CANX: variants seen among roughly 807,000 people sequenced by gnomAD.
CANX encodes calnexin.
Under a neutral mutation model 75.7 loss-of-function variants are expected in CANX, and 14 were observed. The observed-to-expected ratio is 0.19, with a 90% CI of 0.12 to 0.29. CANX has a LOEUF of 0.29. CANX is among the 10% of genes least tolerant of loss of function. The pLI, the probability that CANX is intolerant of heterozygous loss-of-function variation, is 1.00. For missense variants in CANX, 567 were observed against 713.2 expected, an observed-to-expected ratio of 0.79 and a Z score of 2.34; for synonymous variants, 227 against 236.9, an observed-to-expected ratio of 0.96 and a Z score of 0.38.
In CANX at chr5:179,699,089, C is replaced by T. The variant is rs1134924; in HGVS notation, c.-17C>T. On this transcript the variant is annotated 5_prime_UTR_variant, in exon 1 of 15. Coordinates refer to ENST00000247461, the MANE Select transcript of CANX (RefSeq NM_001746.4). The stretch of plus-strand genomic sequence containing the variant: ...AGGGGCACGGGCACCCCCGCGGTCC[C>T]CGGGAGGCTAGAGGTGAGAGGGGAG... The T allele has an allele frequency of 0.5, 535,295 of 1,074,852 alleles. 136,754 individuals carry two copies. Among genetic ancestry groups the T allele is most frequent in the South Asian group, 0.62 (28,145 of 45,140 alleles). The allele number at this position is 1,074,852 out of a possible 1,614,324, so 66.6% of individuals were successfully genotyped here. A position where few individuals can be genotyped will look rare whatever the true frequency, so the allele number is the denominator to read the frequency against.
At chr5:179,686,671 A>G (rs774344368) in intron 1 of CANX, among the ~76,000 whole-genome samples, 59 of 151,032 alleles carry the variant, frequency 3.9e-4, no homozygotes, top group Middle Eastern at 3.5e-3. Flanking sequence ...GCCATGTTGC[A>G]AAACTCCTGG....
chr5:179,683,745 G>T (rs1314600119), intron 1 of CANX, among the ~76,000 whole-genome samples: 1 of 151,496 alleles, frequency 6.6e-6, no homozygotes, highest in Non-Finnish European at 1.5e-5. Context: ...TATTCACCAG[G>T]CTGGTTTCAA....
intron 10 of CANX, among the ~76,000 whole-genome samples, chr5:179,720,924 C>T (rs1778269430): frequency 6.6e-6 from 1 of 152,140 alleles, no homozygotes; most frequent in Non-Finnish European, 1.5e-5. Context: ...GCTGGGATTA[C>T]AGGTGCCTGC....
In CANX at chr5:179,726,685, A is replaced by G. The variant is rs111809764; in HGVS notation, c.1651A>G (p.Lys551Glu). Residue 551 changes from lysine (K) to glutamate (E), a missense_variant, in exon 14 of 15, where the codon AAA becomes GAA. Physicochemically the swap from Lys to Glu is moderately conservative, Grantham distance 56. Around this residue, in one of 3 missense-constraint regions of CANX, gnomAD observed 167 missense variants for 179.3 expected, o/e 0.93. Coordinates refer to ENST00000247461, the MANE Select transcript of CANX (RefSeq NM_001746.4). ...EEEGEEKLEE[K>E]QKSDAEEDGG... ...TTGTTTAACTTCTGTCTTAGAAGAGAAACAGAAAAGTGATGCTGAAGAAGA... is the reference window on the plus strand; with the variant it reads ...TTGTTTAACTTCTGTCTTAGAAGAGGAACAGAAAAGTGATGCTGAAGAAGA... 4,280 of 1,612,262 alleles carry G rather than the reference A, an allele frequency of 2.7e-3. 6 individuals are homozygous for G. Among genetic ancestry groups the G allele is most frequent in the Non-Finnish European group, 3.4e-3 (4,027 of 1,178,294 alleles).
rs1395424154 is a variant in CANX at position 179,728,805 on chromosome 5, C to G, written c.*161C>G. ...CACTAGTCTGTGTAACTTTAAACAT[C>G]TAGCAGTAAATACTTGCAGTTGTGA... On this transcript the variant is annotated 3_prime_UTR_variant, in exon 15 of 15. Coordinates refer to ENST00000247461, the MANE Select transcript of CANX (RefSeq NM_001746.4). 1.4e-6 allele frequency: 1 copy of G among 705,752 alleles called. No homozygotes were observed. The highest frequency in any genetic ancestry group is 2.8e-5 in the East Asian group (1 of 36,268). 43.7% of individuals were successfully genotyped at this position (705,752 alleles called of 1,614,324 possible). A position where few individuals can be genotyped will look rare whatever the true frequency, so the allele number is the denominator to read the frequency against.
chr5:179,693,633 C>G (rs930351535), upstream of CANX, among the ~76,000 whole-genome samples: 1 of 151,944 alleles, frequency 6.6e-6, no homozygotes, highest in Non-Finnish European at 1.5e-5. Context: ...AGATTGTACA[C>G]TGTACTCTAG....
intron 14 of CANX, among the ~76,000 whole-genome samples, chr5:179,728,362 T>C (rs970007496): frequency 2.0e-5 from 3 of 152,176 alleles, no homozygotes; most frequent in Admixed American, 2.0e-4. Flanking sequence ...TGGGTTAGAT[T>C]GAGAAAAGTG....
chr5:179,683,725 G>C (rs1489244673), intron 1 of CANX, among the ~76,000 whole-genome samples: 1 of 151,678 alleles, frequency 6.6e-6, no homozygotes, highest in African/African-American at 2.4e-5. Context: ...GTAGAGATGG[G>C]GTTTCACCAT....
chr5:179,684,180 T>A (rs1288691719), intron 1 of CANX, among the ~76,000 whole-genome samples: 1 of 152,188 alleles, frequency 6.6e-6, no homozygotes, highest in Non-Finnish European at 1.5e-5. Flanking sequence ...TGAAAGTTTC[T>A]GTTTCTCTGT....
intron 1 of CANX, 45 bp downstream of exon 1, chr5:179,699,147 CG>C (rs957486043): frequency 2.2e-5 from 22 of 984,270 alleles, no homozygotes; most frequent in African/African-American, 3.5e-5. Flanking sequence ...GTGAGGACCT[CG>C]GGGGGCTGGG....
chr5:179,687,307 G>A (rs1776206883), intron 1 of CANX, among the ~76,000 whole-genome samples: 1 of 151,144 alleles, frequency 6.6e-6, no homozygotes, highest in Non-Finnish European at 1.5e-5. Context: ...GTTTCACCGT[G>A]TTAGTCAGGA....
chr5:179,710,773 C>T (rs915151216), intron 7 of CANX, among the ~76,000 whole-genome samples: 3 of 147,180 alleles, frequency 2.0e-5, no homozygotes, highest in Admixed American at 7.0e-5. Context: ...AGAATCTCAG[C>T]CTGGTATGGT....
Position 179,708,269 on chromosome 5 carries a change from C to G in CANX, c.335C>G (p.Ser112Ter). ...TGGGAGGTAGAGGAAATGAAGGAGT[C>G]AAAGCTTCCAGGTGATAAAGGACTT... ...GKWEVEEMKE[S>*]KLPGDKGLVL... The change falls in exon 5 of 15, where the codon TCA becomes TGA. Residue 112 changes from serine (S) to a stop codon, truncating the protein, a stop_gained. Transcript: ENST00000247461. LOFTEE classifies it high-confidence loss of function. 1 of 1,613,454 alleles carries G rather than the reference C, an allele frequency of 6.2e-7. No homozygotes were observed. The highest frequency in any genetic ancestry group is 8.5e-7 in the Non-Finnish European group (1 of 1,179,532).
At chr5:179,696,378 C>G (rs1382836583), upstream of CANX, among the ~76,000 whole-genome samples, 1 of 146,704 alleles carries the variant, frequency 6.8e-6, no homozygotes, top group African/African-American at 2.5e-5. Flanking sequence ...CGGGTTCAAG[C>G]GATTGTCCTG....
intron 1 of CANX, among the ~76,000 whole-genome samples, chr5:179,683,471 G>A (rs1308608207): frequency 6.6e-5 from 10 of 151,452 alleles, no homozygotes; most frequent in Non-Finnish European, 2.9e-5. Flanking sequence ...GAAGTATTTC[G>A]ATAATTTGTT....
intron 1 of CANX, among the ~76,000 whole-genome samples, chr5:179,687,657 T>C (rs1470416745): frequency 2.0e-5 from 3 of 152,164 alleles, no homozygotes; most frequent in Non-Finnish European, 4.4e-5. Flanking sequence ...CTGATGGACA[T>C]GGAATCAGAG....
intron 1 of CANX, chr5:179,679,400 C>G: frequency 1.4e-6 from 1 of 708,076 alleles, no homozygotes; most frequent in Non-Finnish European, 2.3e-6. Context: ...CCGAGGAGCC[C>G]GTCGTTCCAC....
At chr5:179,678,761 T>A in exon 1 of CANX, 1 of 1,537,092 alleles carries the variant, frequency 6.5e-7, no homozygotes, top group Non-Finnish European at 8.7e-7. Context: ...TATGAGCAGT[T>A]CCTGCTGCAG....
At chr5:179,703,693 G>C (rs955878299) in intron 1 of CANX, among the ~76,000 whole-genome samples, 3 of 151,696 alleles carry the variant, frequency 2.0e-5, no homozygotes, top group African/African-American at 7.3e-5. Context: ...TGTTGGCCAG[G>C]CTGGGAAATA....
Sources: gnomAD v4.1 joint callset for allele counts (sites outside exome capture counted in the v4.1 genomes callset) on GRCh38, gnomAD v4.1.1 for gene constraint, gnomAD v4.1.1 regional missense constraint, MANE v1.5 for transcripts, NCBI Gene and HGNC (gene_info 2026-07-23, HGNC 2026-07-21) for gene names.